The following CSMD3 variants were observed in gnomAD, a reference collection of about 807,000 sequenced individuals.
CSMD3 encodes the protein CUB and sushi domain-containing protein 3.
Under a neutral mutation model 435.2 loss-of-function variants are expected in CSMD3, and 177 were observed. That is an observed-to-expected ratio of 0.41 (90% CI 0.36 to 0.46). The LOEUF (loss-of-function observed/expected upper bound fraction) is 0.46. CSMD3 is among the 20% of genes least tolerant of loss of function. The probability of loss-of-function intolerance (pLI) is 0.34; values close to 1 mark genes in which losing one functional copy is unlikely to be tolerated. For synonymous variants in CSMD3, 1,656 were observed against 1,520.5 expected (o/e 1.09, Z -2.07); for missense variants, 4,265 against 4,504.6 (o/e 0.95, Z 1.52).
At chr8:112,974,282 T>A (rs1003027545) in intron 7 of CSMD3, among the ~76,000 whole-genome samples, 7 of 151,990 alleles carry the variant, frequency 4.6e-5, no homozygotes, top group African/African-American at 1.7e-4. Flanking sequence ...TTACATAAAA[T>A]TTTAATTTAT....
At chr8:112,652,778 T>G (rs2131642752) in intron 18 of CSMD3, among the ~76,000 whole-genome samples, 1 of 152,308 alleles carries the variant, frequency 6.6e-6, no homozygotes, top group East Asian at 1.9e-4. Flanking sequence ...TGATAGTCAT[T>G]ACTGAATACT....
At chr8:113,165,335 C>T (rs1267468052) in intron 4 of CSMD3, among the ~76,000 whole-genome samples, 2 of 152,084 alleles carry the variant, frequency 1.3e-5, no homozygotes, top group African/African-American at 2.4e-5. Context: ...GGAACAACAT[C>T]GTTAAACTAT....
intron 3 of CSMD3, among the ~76,000 whole-genome samples, chr8:113,245,818 G>A (rs1286653625): frequency 2.6e-5 from 4 of 151,842 alleles, no homozygotes; most frequent in African/African-American, 9.7e-5. Context: ...AAGATCTGCT[G>A]GTGATAAATT....
chr8:112,308,754 C>T (rs1282370327), intron 50 of CSMD3, among the ~76,000 whole-genome samples: 1 of 151,920 alleles, frequency 6.6e-6, no homozygotes, highest in African/African-American at 2.4e-5. Flanking sequence ...TGACCAAACC[C>T]AAATAGATAT....
chr8:113,343,042 AAAG>A lies in CSMD3; in HGVS notation c.179-28252_179-28250del, dbSNP rs538500371. ...AGGAAGAAGAGTCAAAATAGGAAGA[AAAG>A]AAGGAAGAAGAGAAGAAGTCAATAA... is the stretch of plus-strand genomic sequence containing the variant. On this transcript the variant is annotated intron_variant, in intron 1 of 70. Transcript: ENST00000297405. Among the ~76,000 whole-genome samples the A allele has an allele frequency of 2.0e-4, 31 of 152,096 alleles. No homozygotes were observed. The South Asian group carries it at 2.9e-3, about 14-fold the overall frequency.
At chr8:112,293,008 T>C (rs1819923385) in intron 54 of CSMD3, among the ~76,000 whole-genome samples, 1 of 152,098 alleles carries the variant, frequency 6.6e-6, no homozygotes, top group Non-Finnish European at 1.5e-5. Flanking sequence ...CCTTTCTCTC[T>C]ACTTTATTGG....
intron 10 of CSMD3, among the ~76,000 whole-genome samples, chr8:112,878,157 C>T (rs1318830255): frequency 6.6e-6 from 1 of 152,086 alleles, no homozygotes; most frequent in Non-Finnish European, 1.5e-5. Flanking sequence ...AAAATTTTTG[C>T]AATGTATCCA....
At chr8:112,579,435 C>A (rs1342603232) in intron 23 of CSMD3, among the ~76,000 whole-genome samples, 3 of 151,960 alleles carry the variant, frequency 2.0e-5, no homozygotes, top group Admixed American at 1.3e-4. Flanking sequence ...CACAGTGTGG[C>A]ATGGTATTTC....
At chr8:112,773,535 T>C (rs2132209475) in intron 13 of CSMD3, among the ~76,000 whole-genome samples, 1 of 152,108 alleles carries the variant, frequency 6.6e-6, no homozygotes, top group Admixed American at 6.5e-5. Flanking sequence ...CAAAGCAACA[T>C]GTACAGCAAG....
chr8:112,408,483 T>C (rs1832053243), intron 33 of CSMD3, 70 bp from the exon 34 acceptor site: 1 of 942,826 alleles, frequency 1.1e-6, no homozygotes, highest in Non-Finnish European at 1.7e-6. Context: ...AATTATATTA[T>C]AATCTTACAC....
At chr8:112,985,792 C>T (rs2085234345) in intron 6 of CSMD3, among the ~76,000 whole-genome samples, 1 of 152,168 alleles carries the variant, frequency 6.6e-6, no homozygotes. Flanking sequence ...GCCTGATGAT[C>T]TGTCAGTGTC....
intron 2 of CSMD3, among the ~76,000 whole-genome samples, chr8:113,294,221 TTA>T (rs2093704364): frequency 6.6e-6 from 1 of 152,032 alleles, no homozygotes; most frequent in Non-Finnish European, 1.5e-5. Flanking sequence ...ATTAAATTAT[TTA>T]TGTTAATGTA....
chr8:112,836,668 A>C (rs2080034199), intron 11 of CSMD3, among the ~76,000 whole-genome samples: 1 of 151,898 alleles, frequency 6.6e-6, no homozygotes, highest in Admixed American at 6.6e-5. Context: ...AGATAAAGCA[A>C]AACTACATGT....
intron 1 of CSMD3, among the ~76,000 whole-genome samples, chr8:113,341,752 A>G (rs2094120444): frequency 6.6e-6 from 1 of 152,118 alleles, no homozygotes; most frequent in South Asian, 2.1e-4. Flanking sequence ...CTTTAGGTGT[A>G]AAGTAAACAA....
chr8:113,310,909 AAATT>A (rs2093863057), intron 2 of CSMD3: 2 of 152,072 alleles, frequency 1.3e-5, no homozygotes, highest in African/African-American at 4.8e-5. Context: ...ATATTTGCAT[AAATT>A]AATGCTTACA....
intron 4 of CSMD3, among the ~76,000 whole-genome samples, chr8:113,137,008 T>C (rs1216268064): frequency 6.6e-6 from 1 of 151,482 alleles, no homozygotes; most frequent in Non-Finnish European, 1.5e-5. Flanking sequence ...GTTTAGTAGG[T>C]TTCCTCTGTG....
intron 9 of CSMD3, among the ~76,000 whole-genome samples, chr8:112,945,296 A>C (rs865781491): frequency 1.3e-5 from 2 of 151,666 alleles, no homozygotes; most frequent in Middle Eastern, 3.2e-3. Flanking sequence ...ACTGTCTTTC[A>C]CTCAGACTAC....
chr8:112,745,636 A>G (rs1047030322), intron 13 of CSMD3, among the ~76,000 whole-genome samples: 3 of 151,928 alleles, frequency 2.0e-5, no homozygotes, highest in Non-Finnish European at 4.4e-5. Flanking sequence ...GTGGATATTC[A>G]TGCAAAAATT....
intron 32 of CSMD3, among the ~76,000 whole-genome samples, chr8:112,422,708 A>G (rs1190516983): frequency 6.6e-6 from 1 of 152,218 alleles, no homozygotes; most frequent in Non-Finnish European, 1.5e-5. Context: ...TACACTCCCA[A>G]CAAATACACC....
Sources: allele counts gnomAD v4.1 joint callset (sites outside exome capture counted in the v4.1 genomes callset), GRCh38; gene constraint gnomAD v4.1.1; transcripts MANE v1.5; gene names NCBI Gene and HGNC (gene_info 2026-07-23, HGNC 2026-07-21).